CTNNA2: variants seen among roughly 807,000 people sequenced by gnomAD.
CTNNA2 encodes catenin alpha-2.
In CTNNA2, 42 loss-of-function variants were observed where a neutral mutation model predicts 101.0. The ratio of observed to expected loss-of-function variants is 0.42; its 90% confidence interval spans 0.32 to 0.54. The LOEUF (loss-of-function observed/expected upper bound fraction) is 0.54. Among genes scored for constraint, CTNNA2 ranks in the 20% least tolerant of loss-of-function variants. CTNNA2 has a pLI of 0.14. For missense variants in CTNNA2, 871 were observed against 1,223.1 expected, an observed-to-expected ratio of 0.71 and a Z score of 4.29; for synonymous variants, 450 against 456.4, an observed-to-expected ratio of 0.99 and a Z score of 0.18.
intron 2 of CTNNA2, among the ~76,000 whole-genome samples, chr2:79,309,209 C>T (rs1676312318): frequency 6.6e-6 from 1 of 151,906 alleles, no homozygotes; most frequent in Non-Finnish European, 1.5e-5. Context: ...TTTTTATGTG[C>T]ATTTTATAAT....
chr2:79,837,098 T>A (rs1271756998), intron 3 of CTNNA2, among the ~76,000 whole-genome samples: 2 of 152,210 alleles, frequency 1.3e-5, no homozygotes, highest in African/African-American at 4.8e-5. Context: ...CAGGGTTATC[T>A]AGAGGGACAG....
intron 2 of CTNNA2, among the ~76,000 whole-genome samples, chr2:79,294,187 A>AAG (rs370058263): frequency 2.3e-4 from 34 of 148,354 alleles, no homozygotes; most frequent in East Asian, 7.8e-4. Context: ...GAGAGAGAGA[A>AAG]AGAGAGAGAG....
chr2:80,492,744 C>T (rs570507496), intron 9 of CTNNA2, among the ~76,000 whole-genome samples: 1 of 152,308 alleles, frequency 6.6e-6, no homozygotes, highest in Non-Finnish European at 1.5e-5. Flanking sequence ...TGGGCACATG[C>T]TGTTTCCTCT....
intron 7 of CTNNA2, among the ~76,000 whole-genome samples, chr2:80,025,859 G>A (rs992820138): frequency 3.9e-5 from 6 of 152,174 alleles, no homozygotes; most frequent in African/African-American, 1.4e-4. Context: ...TGTGCTATGA[G>A]CTGTGAGTTT....
At chr2:79,325,393 G>C (rs767548543) in intron 3 of CTNNA2, among the ~76,000 whole-genome samples, 2 of 152,134 alleles carry the variant, frequency 1.3e-5, no homozygotes, top group Admixed American at 6.6e-5. Context: ...CCAAGAGTTC[G>C]TACAAAAATA....
At chr2:79,890,259 T>C (rs1239138878) in intron 6 of CTNNA2, among the ~76,000 whole-genome samples, 1 of 152,160 alleles carries the variant, frequency 6.6e-6, no homozygotes, top group Non-Finnish European at 1.5e-5. Context: ...CCCTGATGAA[T>C]CCAGGAACCA....
Position 79,382,497 on chromosome 2 carries a change from T to C in CTNNA2, c.-135+8484T>C, listed in dbSNP as rs141427076. Among the ~76,000 whole-genome samples, 734 of 152,332 alleles carry C rather than the reference T, an allele frequency of 4.8e-3. 6 individuals are homozygous for C. The highest frequency in any genetic ancestry group is 0.017 in the Middle Eastern group (5 of 294). On this transcript the variant is annotated intron_variant, in intron 4 of 21. Coordinates refer to the CTNNA2 transcript ENST00000466387. Reference sequence around the variant, plus strand: ...AAGAAGAAGGTTTCCAATTATCTTATGCCATTTCTGAAAGTAGAATTAGGA... The same window carrying C: ...AAGAAGAAGGTTTCCAATTATCTTACGCCATTTCTGAAAGTAGAATTAGGA...
chr2:79,193,470 T>C (rs1002689945), intron 1 of CTNNA2, among the ~76,000 whole-genome samples: 1 of 152,202 alleles, frequency 6.6e-6, no homozygotes, highest in African/African-American at 2.4e-5. Context: ...CAGTAGGCTA[T>C]ATCATGTACC....
Position 79,402,846 on chromosome 2 carries a change from A to G in CTNNA2, c.-135+28833A>G, listed in dbSNP as rs373587876. Among the ~76,000 whole-genome samples the G allele has an allele frequency of 8.6e-5, 13 of 151,986 alleles. No individual in the cohort carries two copies. In the East Asian group the frequency reaches 2.3e-3, roughly 27 times the overall value. ...TCACAAAATTCACAAACATATGGAA[A>G]TTACACAGCACAGTGTTAAATAATG... On this transcript the variant is annotated intron_variant, in intron 4 of 21. Coordinates refer to the CTNNA2 transcript ENST00000466387.
intron 7 of CTNNA2, among the ~76,000 whole-genome samples, chr2:80,252,062 G>A (rs138836720): frequency 2.4e-3 from 367 of 152,214 alleles, no homozygotes; most frequent in African/African-American, 8.4e-3. Flanking sequence ...CAATTCCTCT[G>A]GGCAAGCTTC....
chr2:79,653,552 T>G (rs1183433306), intron 2 of CTNNA2, among the ~76,000 whole-genome samples: 1 of 152,128 alleles, frequency 6.6e-6, no homozygotes, highest in Non-Finnish European at 1.5e-5. Context: ...GAGCCCTCCT[T>G]TCACTTGGAC....
chr2:79,569,079 A>G (rs1450275196), intron 1 of CTNNA2, among the ~76,000 whole-genome samples: 1 of 152,122 alleles, frequency 6.6e-6, no homozygotes, highest in Non-Finnish European at 1.5e-5. Context: ...TTTTTATATG[A>G]AGAAGTCTAT....
intron 7 of CTNNA2, among the ~76,000 whole-genome samples, chr2:79,919,621 A>G (rs1369548167): frequency 3.9e-5 from 6 of 152,222 alleles, no homozygotes; most frequent in Non-Finnish European, 8.8e-5. Flanking sequence ...ATTTCAAAGA[A>G]GACCTCACAA....
intron 3 of CTNNA2, among the ~76,000 whole-genome samples, chr2:79,749,461 C>T (rs866581141): frequency 3.9e-4 from 59 of 152,222 alleles, no homozygotes; most frequent in African/African-American, 1.3e-3. Context: ...GTGTGTGTTT[C>T]TCCCTTCCTA....
chr2:79,649,650 G>C (rs542962218), intron 1 of CTNNA2, among the ~76,000 whole-genome samples: 1 of 152,218 alleles, frequency 6.6e-6, no homozygotes, highest in African/African-American at 2.4e-5. Flanking sequence ...AATGGAAAAT[G>C]TGTAAAGTGT....
intron 3 of CTNNA2, among the ~76,000 whole-genome samples, chr2:79,761,827 T>A (rs950979972): frequency 2.6e-5 from 4 of 152,208 alleles, no homozygotes; most frequent in African/African-American, 9.6e-5. Context: ...AAAATATTGA[T>A]CTGTTTCTCT....
intron 7 of CTNNA2, among the ~76,000 whole-genome samples, chr2:80,352,709 A>G (rs1361332804): frequency 6.6e-6 from 1 of 152,174 alleles, no homozygotes; most frequent in African/African-American, 2.4e-5. Flanking sequence ...TTGAAATGAT[A>G]GTCAATGAGT....
At chr2:79,850,384 T>G (rs2103899988) in intron 3 of CTNNA2, among the ~76,000 whole-genome samples, 1 of 129,116 alleles carries the variant, frequency 7.7e-6, no homozygotes, top group Admixed American at 8.2e-5. Flanking sequence ...CCTCCCTCTG[T>G]TTGTTTCTCC....
At chr2:80,589,044 A>G (rs1275683547) in intron 14 of CTNNA2, among the ~76,000 whole-genome samples, 3 of 152,154 alleles carry the variant, frequency 2.0e-5, no homozygotes, top group South Asian at 2.1e-4. Context: ...GCGGCAGAGA[A>G]GTTCTGTTAT....
Sources: gnomAD v4.1 joint callset for allele counts (sites outside exome capture counted in the v4.1 genomes callset) on GRCh38, gnomAD v4.1.1 for gene constraint, MANE v1.5 for transcripts, NCBI Gene and HGNC (gene_info 2026-07-23, HGNC 2026-07-21) for gene names.